The following E2F3 variants were observed in gnomAD, a reference collection of about 807,000 sequenced individuals.
The protein encoded by E2F3 is transcription factor E2F3.
E2F3 carries 11 observed loss-of-function variants against 44.4 expected under a neutral mutation model. The observed-to-expected ratio is 0.25, with a 90% CI of 0.16 to 0.41. The LOEUF (loss-of-function observed/expected upper bound fraction) is 0.41. Ranked by LOEUF, E2F3 falls within the 10% of genes least tolerant of loss-of-function variation. E2F3 has a pLI of 1.00. For synonymous variants in E2F3, 249 were observed against 253.0 expected (o/e 0.98, Z 0.15); for missense variants, 487 against 583.6 (o/e 0.83, Z 1.70).
intron 1 of E2F3, among the ~76,000 whole-genome samples, chr6:20,427,447 G>A (rs2127591986): frequency 6.6e-6 from 1 of 152,306 alleles, no homozygotes; most frequent in East Asian, 1.9e-4. Context: ...ATTGGGGTTT[G>A]CAGTGTAGTC....
chr6:20,434,153 TC>T (rs2127594015), intron 1 of E2F3, among the ~76,000 whole-genome samples: 1 of 152,320 alleles, frequency 6.6e-6, no homozygotes, highest in East Asian at 1.9e-4. Context: ...GACAGAGTTT[TC>T]CAAATGATCT....
chr6:20,468,894 C>T (rs1761800855), intron 1 of E2F3, among the ~76,000 whole-genome samples: 1 of 152,130 alleles, frequency 6.6e-6, no homozygotes, highest in South Asian at 2.1e-4. Context: ...ATGTTCACCT[C>T]GGGCATCAGC....
intron 6 of E2F3, among the ~76,000 whole-genome samples, chr6:20,489,377 C>G (rs1350479985): frequency 6.6e-6 from 1 of 152,060 alleles, no homozygotes; most frequent in African/African-American, 2.4e-5. Context: ...GTGGCAGGAT[C>G]GCTTGAGCCC....
intron 1 of E2F3, among the ~76,000 whole-genome samples, chr6:20,428,234 T>A (rs1211448616): frequency 6.6e-6 from 1 of 151,976 alleles, no homozygotes; most frequent in Non-Finnish European, 1.5e-5. Context: ...TATTTTTTTT[T>A]ATTTTTTGAG....
At chr6:20,448,890 T>C (rs1168342494) in intron 1 of E2F3, among the ~76,000 whole-genome samples, 3 of 152,214 alleles carry the variant, frequency 2.0e-5, no homozygotes, top group African/African-American at 7.2e-5. Flanking sequence ...TTGGCTTAAT[T>C]GGAAGAGAGT....
chr6:20,435,917 C>A (rs985830781), intron 1 of E2F3, among the ~76,000 whole-genome samples: 2 of 151,892 alleles, frequency 1.3e-5, no homozygotes, highest in Non-Finnish European at 2.9e-5. Context: ...TCCCTATCAA[C>A]CTTCCCTGGA....
chr6:20,462,083 G>C (rs1402309942), intron 1 of E2F3, among the ~76,000 whole-genome samples: 4 of 152,040 alleles, frequency 2.6e-5, no homozygotes, highest in Non-Finnish European at 4.4e-5. Flanking sequence ...TTTCTCTTGG[G>C]TTATATGTTC....
At position 20,447,262 on chromosome 6, in the gene E2F3, G is replaced by A. The variant is rs1006626444; in HGVS notation, c.394-32584G>A. 7.9e-5 allele frequency among the ~76,000 whole-genome samples: 12 copies of A among 152,230 alleles called. 1 individual carries two copies. The East Asian group carries it at 2.3e-3, about 29-fold the overall frequency. Reference sequence around the variant, plus strand: ...GGGGGAAGGGCACTGCCTTTCTTGTGAACTTTCTTGCCCAAGGGACAAATG... The same window carrying A: ...GGGGGAAGGGCACTGCCTTTCTTGTAAACTTTCTTGCCCAAGGGACAAATG... On this transcript the variant is annotated intron_variant, in intron 1 of 6. Transcript: ENST00000346618.
In E2F3 at chr6:20,402,631, ACCCTCCCTC is replaced by A; in HGVS notation, c.393+10_393+18del. ...GCGGCGGCGGCGGCCCTCCGGTAAT[ACCCTCCCTC>A]CCCACCGTCCCCAGCCCCGGCGGGA... On this transcript the variant is annotated splice_region_variant and intron_variant, in intron 1 of 6. Coordinates refer to ENST00000346618, the MANE Select transcript of E2F3 (RefSeq NM_001949.5). This position sits in a 1 kb window ranked among gnomAD's most constrained non-coding sequence, Gnocchi z 5.6. 2 of 1,324,704 alleles carry A rather than the reference ACCCTCCCTC, an allele frequency of 1.5e-6. No homozygotes were observed. The highest frequency in any genetic ancestry group is 1.9e-6 in the Non-Finnish European group (2 of 1,046,174). The allele number at this position is 1,324,704 out of a possible 1,614,324, so 82.1% of individuals were successfully genotyped here.
chr6:20,482,348 T>G (rs542797493), intron 3 of E2F3, among the ~76,000 whole-genome samples: 23 of 150,552 alleles, frequency 1.5e-4, no homozygotes, highest in South Asian at 6.2e-4. Flanking sequence ...TTTTGTTTTT[T>G]TTTTTTTTTA....
At chr6:20,427,690 G>C (rs1485256683) in intron 1 of E2F3, among the ~76,000 whole-genome samples, 1 of 152,142 alleles carries the variant, frequency 6.6e-6, no homozygotes, top group Non-Finnish European at 1.5e-5. Context: ...ACTACCATTT[G>C]AGGTGACTTG....
chr6:20,406,701 G>T (rs1759505678), intron 1 of E2F3, among the ~76,000 whole-genome samples: 1 of 151,970 alleles, frequency 6.6e-6, no homozygotes, highest in Non-Finnish European at 1.5e-5. Context: ...TCACTTTTTT[G>T]CCTGAGTTCC....
intron 1 of E2F3, among the ~76,000 whole-genome samples, chr6:20,476,487 G>A (rs960219478): frequency 2.0e-5 from 3 of 152,208 alleles, no homozygotes; most frequent in Non-Finnish European, 4.4e-5. Context: ...GTTTTGAGTG[G>A]TGGTCTCAGA....
chr6:20,411,903 T>C (rs945489087), intron 1 of E2F3, among the ~76,000 whole-genome samples: 1 of 152,234 alleles, frequency 6.6e-6, no homozygotes, highest in African/African-American at 2.4e-5. Context: ...GAAATCGGTC[T>C]GGCTTGCTTT....
chr6:20,441,616 C>A (rs1760775011), intron 1 of E2F3, among the ~76,000 whole-genome samples: 1 of 151,976 alleles, frequency 6.6e-6, no homozygotes, highest in African/African-American at 2.4e-5. Flanking sequence ...GCTCTGTTGC[C>A]CAGGCTGGAG....
At chr6:20,437,936 T>A (rs1051464375) in intron 1 of E2F3, 1 of 152,240 alleles carries the variant, frequency 6.6e-6, no homozygotes, top group African/African-American at 2.4e-5. Flanking sequence ...GTAATAAGAT[T>A]TATTTAATGA....
chr6:20,404,492 T>G (rs1759427135), intron 1 of E2F3, among the ~76,000 whole-genome samples: 1 of 152,234 alleles, frequency 6.6e-6, no homozygotes, highest in South Asian at 2.1e-4. Flanking sequence ...GGACCTCACC[T>G]TGTCTCAGCT....
At position 20,492,469 on chromosome 6, in the gene E2F3, C is replaced by T. The variant is rs1174230003; in HGVS notation, c.*2039C>T. 2 of 233,472 alleles carry T rather than the reference C, an allele frequency of 8.6e-6. No individual in the cohort carries two copies. The highest frequency in any genetic ancestry group is 1.7e-5 in the Non-Finnish European group (2 of 117,930). 14.5% of individuals were successfully genotyped at this position (233,472 alleles called of 1,614,324 possible). On this transcript the variant is annotated 3_prime_UTR_variant, in exon 7 of 7. Coordinates refer to ENST00000346618, the MANE Select transcript of E2F3 (RefSeq NM_001949.5). The stretch of plus-strand genomic sequence containing the variant: ...TTGTGTTAAGTGCCTACTGGAAATG[C>T]ACTGTGGGGTTTTTTCCTGTATGGG...
rs577761916 is a variant in E2F3 at position 20,436,494 on chromosome 6, G to T, written c.393+33869G>T. 6.8e-5 allele frequency among the ~76,000 whole-genome samples: 10 copies of T among 147,902 alleles called. 1 individual carries two copies. The highest frequency in any genetic ancestry group is 2.5e-4 in the African/African-American group (10 of 39,742). On this transcript the variant is annotated intron_variant, in intron 1 of 6. Coordinates refer to ENST00000346618, the MANE Select transcript of E2F3 (RefSeq NM_001949.5). ...ACACACACACAGAGAGAGAGAGAGAGAAAAATTTTGTAACGTTTTAAGAAA... is the reference window on the plus strand; with the variant it reads ...ACACACACACAGAGAGAGAGAGAGATAAAAATTTTGTAACGTTTTAAGAAA...
Sources: allele counts gnomAD v4.1 joint callset (sites outside exome capture counted in the v4.1 genomes callset), GRCh38; gene constraint gnomAD v4.1.1; non-coding constraint Gnocchi (gnomAD v3.1); transcripts MANE v1.5; gene names NCBI Gene and HGNC (gene_info 2026-07-23, HGNC 2026-07-21).